Variants in LRMDA observed in about 807,000 individuals in gnomAD.
LRMDA encodes the protein leucine-rich melanocyte differentiation-associated protein.
LRMDA carries 18 observed loss-of-function variants against 29.8 expected under a neutral mutation model. The ratio of observed to expected loss-of-function variants is 0.60; its 90% CI spans 0.42 to 0.90. LRMDA has a LOEUF of 0.90. Among genes scored for constraint, LRMDA ranks in the 40% least tolerant of loss-of-function variants. LRMDA has a pLI of 0.00. For missense variants in LRMDA, 273 were observed against 273.9 expected, an observed-to-expected ratio of 1.00 and a Z score of 0.02; for synonymous variants, 125 against 109.4, an observed-to-expected ratio of 1.14 and a Z score of -0.89.
At chr10:75,840,817 G>T (rs1007125810) in intron 2 of LRMDA, among the ~76,000 whole-genome samples, 1 of 152,184 alleles carries the variant, frequency 6.6e-6, no homozygotes, top group Non-Finnish European at 1.5e-5. Flanking sequence ...GAGGAACTCC[G>T]TAATAAGTCA....
At chr10:76,013,727 A>G (rs1386098975) in intron 2 of LRMDA, among the ~76,000 whole-genome samples, 1 of 152,082 alleles carries the variant, frequency 6.6e-6, no homozygotes, top group African/African-American at 2.4e-5. Flanking sequence ...CACCCATCTT[A>G]GAAGGCCTCT....
chr10:76,370,174 G>A (rs988259837), intron 6 of LRMDA, among the ~76,000 whole-genome samples: 22 of 151,882 alleles, frequency 1.4e-4, no homozygotes, highest in Non-Finnish European at 2.5e-4. Flanking sequence ...AGAATTCCTC[G>A]TACACAAGAT....
chr10:75,828,246 C>G (rs1035793730), intron 2 of LRMDA, among the ~76,000 whole-genome samples: 1 of 152,102 alleles, frequency 6.6e-6, no homozygotes, highest in African/African-American at 2.4e-5. Flanking sequence ...AACAGAGAAG[C>G]TAAGAAATAT....
At chr10:76,119,973 G>A (rs1849751289) in intron 5 of LRMDA, among the ~76,000 whole-genome samples, 1 of 152,116 alleles carries the variant, frequency 6.6e-6, no homozygotes, top group Non-Finnish European at 1.5e-5. Context: ...GGTGTTGGGT[G>A]GATAAGCCCC....
At chr10:75,723,152 C>T (rs961616132) in intron 2 of LRMDA, among the ~76,000 whole-genome samples, 3 of 152,304 alleles carry the variant, frequency 2.0e-5, no homozygotes, top group Non-Finnish European at 2.9e-5. Flanking sequence ...TGCCCCTGGG[C>T]ATTAATGAAG....
At chr10:75,743,192 A>G (rs1157089074) in intron 2 of LRMDA, among the ~76,000 whole-genome samples, 1 of 150,552 alleles carries the variant, frequency 6.6e-6, no homozygotes, top group African/African-American at 2.5e-5. Flanking sequence ...TTGTAGTTGT[A>G]CTTTGTGGAA....
At chr10:75,799,060 A>G (rs868844578) in intron 2 of LRMDA, among the ~76,000 whole-genome samples, 4 of 152,226 alleles carry the variant, frequency 2.6e-5, no homozygotes, top group Middle Eastern at 3.2e-3. Flanking sequence ...TTTATTCAGT[A>G]GTGTGTCCAC....
intron 2 of LRMDA, among the ~76,000 whole-genome samples, chr10:75,963,298 C>T (rs1191005232): frequency 6.6e-6 from 1 of 152,210 alleles, no homozygotes; most frequent in Admixed American, 6.5e-5. Context: ...TCACCAAATA[C>T]ACTTCTTTTC....
intron 2 of LRMDA, among the ~76,000 whole-genome samples, chr10:75,641,135 A>C (rs1841448207): frequency 6.6e-6 from 1 of 152,166 alleles, no homozygotes; most frequent in African/African-American, 2.4e-5. Flanking sequence ...TATCTCTCTG[A>C]GTGTGTTACA....
intron 2 of LRMDA, among the ~76,000 whole-genome samples, chr10:75,930,964 C>T (rs1442848835): frequency 6.6e-6 from 1 of 152,120 alleles, no homozygotes; most frequent in African/African-American, 2.4e-5. Context: ...GAACATTCTA[C>T]CAGGGACAGA....
chr10:76,187,076 A>G (rs113946751), intron 5 of LRMDA, among the ~76,000 whole-genome samples: 186 of 152,290 alleles, frequency 1.2e-3, no homozygotes, highest in Non-Finnish European at 2.1e-3. Flanking sequence ...GTGAAGAGGC[A>G]AAATGTACCC....
chr10:76,315,581 C>T (rs1298586349), intron 5 of LRMDA, among the ~76,000 whole-genome samples: 1 of 150,884 alleles, frequency 6.6e-6, no homozygotes, highest in Non-Finnish European at 1.5e-5. Flanking sequence ...TTGGCCCCCT[C>T]CAGACTTTGG....
At chr10:76,162,267 G>A (rs1055434819) in intron 5 of LRMDA, among the ~76,000 whole-genome samples, 4 of 152,108 alleles carry the variant, frequency 2.6e-5, no homozygotes, top group Admixed American at 1.3e-4. Flanking sequence ...GAAGAAGAAA[G>A]GAGAGAGAGA....
At chr10:75,465,133 G>A (rs1461092745) in intron 2 of LRMDA, among the ~76,000 whole-genome samples, 2 of 152,212 alleles carry the variant, frequency 1.3e-5, no homozygotes, top group African/African-American at 4.8e-5. Context: ...AGGCTTACCT[G>A]AAGAGGATGA....
rs998877812 is a variant in LRMDA at position 75,682,337 on chromosome 10, T to C, written c.131+243843T>C. On this transcript the variant is annotated intron_variant, in intron 2 of 6. Transcript: ENST00000611255. Reference sequence around the variant, plus strand: ...ATGAATGGCAATATTGTTTTCTTTGTAGAACAGTTAAATAAAAGCAGGAAT... The same window carrying C: ...ATGAATGGCAATATTGTTTTCTTTGCAGAACAGTTAAATAAAAGCAGGAAT... 2.6e-5 allele frequency among the ~76,000 whole-genome samples: 4 copies of C among 152,232 alleles called. No individual in the cohort carries two copies. In the East Asian group the frequency reaches 5.8e-4, roughly 22 times the overall value.
intron 2 of LRMDA, among the ~76,000 whole-genome samples, chr10:75,442,613 T>C (rs1175203806): frequency 6.6e-6 from 1 of 152,184 alleles, no homozygotes; most frequent in Non-Finnish European, 1.5e-5. Flanking sequence ...TTGGTCTATA[T>C]GTCTGTTTTT....
intron 6 of LRMDA, among the ~76,000 whole-genome samples, chr10:76,543,124 C>A (rs1323992856): frequency 6.6e-6 from 1 of 152,056 alleles, no homozygotes; most frequent in Non-Finnish European, 1.5e-5. Flanking sequence ...CTTTAAAATG[C>A]CAATAGCAAG....
chr10:76,249,233 G>A (rs921389643), intron 5 of LRMDA, among the ~76,000 whole-genome samples: 3 of 152,058 alleles, frequency 2.0e-5, no homozygotes, highest in African/African-American at 7.2e-5. Context: ...TTTCCTCACC[G>A]ACTTTCTTGG....
At chr10:76,297,796 C>CT (rs1398187744) in intron 5 of LRMDA, among the ~76,000 whole-genome samples, 3 of 152,152 alleles carry the variant, frequency 2.0e-5, no homozygotes, top group Non-Finnish European at 2.9e-5. Context: ...CCCCCTCCCC[C>CT]GGTTTGTTTT....
Sources: allele counts gnomAD v4.1 joint callset (sites outside exome capture counted in the v4.1 genomes callset), GRCh38; gene constraint gnomAD v4.1.1; transcripts MANE v1.5; gene names NCBI Gene and HGNC (gene_info 2026-07-23, HGNC 2026-07-21).